WDR27: variants seen among roughly 807,000 people sequenced by gnomAD.
WDR27 encodes the protein WD repeat domain 27, also known as WD repeat-containing protein 27.
Under a neutral mutation model 114.4 loss-of-function variants are expected in WDR27, and 100 were observed. The ratio of observed to expected loss-of-function variants is 0.87; its 90% CI spans 0.74 to 1.03. WDR27 has a LOEUF of 1.03. Ranked by LOEUF, WDR27 falls within the 50% of genes least tolerant of loss-of-function variation. The pLI is 0.00. For missense variants in WDR27, 1,129 were observed against 1,092.9 expected (o/e 1.03, Z -0.47); for synonymous variants, 449 against 423.1 (o/e 1.06, Z -0.75).
At chr6:169,605,215 C>T (rs534636093) in intron 22 of WDR27, among the ~76,000 whole-genome samples, 1 of 147,548 alleles carries the variant, frequency 6.8e-6, no homozygotes, top group South Asian at 2.1e-4. Context: ...TCTAGAAAAA[C>T]CTAAAGACTC....
the WDR27 span, among the ~76,000 whole-genome samples, chr6:169,441,305 T>C: frequency 6.6e-6 from 1 of 151,552 alleles, no homozygotes; most frequent in Non-Finnish European, 1.5e-5. Flanking sequence ...AAAAGACAAT[T>C]AAACCTAATT....
the WDR27 span, among the ~76,000 whole-genome samples, chr6:169,441,014 T>C: frequency 6.6e-6 from 1 of 152,154 alleles, no homozygotes; most frequent in African/African-American, 2.4e-5. Context: ...ATATTTAAGC[T>C]CTGTTCTTGT....
chr6:169,534,284 A>AT (rs140125227), intron 25 of WDR27, among the ~76,000 whole-genome samples: 2,464 of 152,184 alleles, frequency 0.016, 63 homozygotes, highest in African/African-American at 0.057. Context: ...GCTAGATTTT[A>AT]TTTGCTAGTA....
At chr6:169,620,285 C>T (rs1049499033) in intron 21 of WDR27, among the ~76,000 whole-genome samples, 1 of 152,190 alleles carries the variant, frequency 6.6e-6, no homozygotes, top group Non-Finnish European at 1.5e-5. Context: ...TCAGGCAAAA[C>T]CTGCCTCCCA....
chr6:169,556,983 G>A (rs1051604102), intron 25 of WDR27, among the ~76,000 whole-genome samples: 3 of 152,212 alleles, frequency 2.0e-5, no homozygotes, highest in African/African-American at 7.2e-5. Context: ...ACAACCCCAT[G>A]CAAAACTGAG....
Position 169,631,980 on chromosome 6 carries a change from T to C in WDR27, c.2223+967A>G, listed in dbSNP as rs532986620. On this transcript the variant is annotated intron_variant, in intron 21 of 25. Coordinates refer to ENST00000448612, the MANE Select transcript of WDR27 (RefSeq NM_182552.5). ...GGCAGGCTGATCACAAGGTCAGGAG[T>C]TCGAGACCAGCCTGACCAACATGGT... 2.6e-5 allele frequency among the ~76,000 whole-genome samples: 4 copies of C among 151,760 alleles called. No homozygotes were observed. In the East Asian group the frequency reaches 7.8e-4, roughly 29 times the overall value.
chr6:169,642,315 C>A (rs1406440506), intron 17 of WDR27, among the ~76,000 whole-genome samples: 2 of 151,586 alleles, frequency 1.3e-5, no homozygotes, highest in Non-Finnish European at 2.9e-5. Flanking sequence ...CCCCCGCCCA[C>A]AGAAACAGAG....
chr6:169,465,575 C>G (rs1214617489), intron 25 of WDR27, among the ~76,000 whole-genome samples: 1 of 152,094 alleles, frequency 6.6e-6, no homozygotes, highest in Non-Finnish European at 1.5e-5. Flanking sequence ...CGTAGGGTCT[C>G]TAGGAGATAT....
chr6:169,491,734 C>T (rs1170714051), intron 25 of WDR27, among the ~76,000 whole-genome samples: 1 of 152,122 alleles, frequency 6.6e-6, no homozygotes, highest in Non-Finnish European at 1.5e-5. Flanking sequence ...GTGCTGGGAC[C>T]TGGAATCACA....
At chr6:169,430,689 T>C in the WDR27 span, among the ~76,000 whole-genome samples, 2 of 152,216 alleles carry the variant, frequency 1.3e-5, no homozygotes, top group Admixed American at 1.3e-4. Flanking sequence ...CCCAGCTCAT[T>C]CTCTGGCACA....
chr6:169,628,528 T>G (rs138878769), intron 21 of WDR27, among the ~76,000 whole-genome samples: 443 of 152,268 alleles, frequency 2.9e-3, no homozygotes, highest in African/African-American at 0.01. Context: ...TTATTCAATC[T>G]TTCTATTTCT....
At chr6:169,449,668 G>GA in the WDR27 span, among the ~76,000 whole-genome samples, 1 of 152,216 alleles carries the variant, frequency 6.6e-6, no homozygotes, top group Non-Finnish European at 1.5e-5. Context: ...GAAGCTATGA[G>GA]AAAGAAGGAT....
At chr6:169,657,034 C>T (rs538543338) in intron 13 of WDR27, among the ~76,000 whole-genome samples, 6 of 152,126 alleles carry the variant, frequency 3.9e-5, no homozygotes, top group African/African-American at 1.2e-4. Flanking sequence ...GAGCATAAAC[C>T]GGCAGGAGAC....
intron 1 of WDR27, among the ~76,000 whole-genome samples, chr6:169,693,493 C>G (rs879369373): frequency 2.0e-5 from 3 of 152,074 alleles, no homozygotes; most frequent in Non-Finnish European, 4.4e-5. Flanking sequence ...TCAATACTAA[C>G]GCTGAATGTA....
intron 21 of WDR27, among the ~76,000 whole-genome samples, chr6:169,621,582 G>A (rs1045115278): frequency 7.6e-6 from 1 of 132,058 alleles, no homozygotes; most frequent in Admixed American, 7.6e-5. Context: ...ACATACACAT[G>A]CACGCACGCA....
chr6:169,688,114 TCTA>T (rs893921124), intron 2 of WDR27, among the ~76,000 whole-genome samples: 1 of 152,172 alleles, frequency 6.6e-6, no homozygotes, highest in African/African-American at 2.4e-5. Context: ...AGAATGTAAT[TCTA>T]CTTATTACTC....
Position 169,684,837 on chromosome 6 carries a change from T to A in WDR27, c.189+3980A>T, listed in dbSNP as rs7746598. Among the ~76,000 whole-genome samples the A allele has an allele frequency of 0.16, 25,067 of 152,152 alleles. 2,600 individuals carry two copies. Among genetic ancestry groups the A allele is most frequent in the East Asian group, 0.3 (1,531 of 5,174 alleles). On this transcript the variant is annotated intron_variant, in intron 2 of 25. Coordinates refer to ENST00000448612, the MANE Select transcript of WDR27 (RefSeq NM_182552.5). The surrounding 1 kb of genome is among the most constrained non-coding windows in gnomAD (Gnocchi z 4.3). ...GCCCCAGGAGCTGCCCCAGCAGATA[T>A]GTCCCCACGCTGGCCAAGCAACCAT...
intron 25 of WDR27, among the ~76,000 whole-genome samples, chr6:169,556,229 T>C (rs2128108387): frequency 6.6e-6 from 1 of 152,292 alleles, no homozygotes; most frequent in East Asian, 1.9e-4. Context: ...AGCAAGGAAC[T>C]GAAGCCCTCA....
chr6:169,520,169 C>A (rs1794193273), intron 25 of WDR27, among the ~76,000 whole-genome samples: 1 of 152,132 alleles, frequency 6.6e-6, no homozygotes, highest in Non-Finnish European at 1.5e-5. Flanking sequence ...CTCAGCATCA[C>A]CACACTGTAG....
Sources: allele counts gnomAD v4.1 joint callset (sites outside exome capture counted in the v4.1 genomes callset), GRCh38; gene constraint gnomAD v4.1.1; non-coding constraint Gnocchi (gnomAD v3.1); transcripts MANE v1.5; gene names NCBI Gene and HGNC (gene_info 2026-07-23, HGNC 2026-07-21).